The following SGK1 variants were observed in gnomAD, a reference collection of about 807,000 sequenced individuals.
SGK1 encodes the protein serum/glucocorticoid regulated kinase 1, also known as serine/threonine-protein kinase Sgk1.
Under a neutral mutation model 64.2 loss-of-function variants are expected in SGK1, and 26 were observed. That is an observed-to-expected ratio of 0.40 (90% CI 0.30 to 0.56). SGK1 has a LOEUF of 0.56. Among genes scored for constraint, SGK1 ranks in the 20% least tolerant of loss-of-function variants. The pLI is 0.38. For missense variants in SGK1, 519 were observed against 645.6 expected (o/e 0.80, Z 2.12); for synonymous variants, 265 against 239.7 (o/e 1.11, Z -0.98).
At chr6:134,268,586 A>G (rs1166007724) in intron 1 of SGK1, among the ~76,000 whole-genome samples, 4 of 145,064 alleles carry the variant, frequency 2.8e-5, no homozygotes, top group East Asian at 2.6e-4. Flanking sequence ...TGCCGGGCGT[A>G]GTGGAGGGTG....
intron 1 of SGK1, among the ~76,000 whole-genome samples, chr6:134,295,688 G>A (rs1348096354): frequency 1.3e-5 from 2 of 149,914 alleles, no homozygotes; most frequent in African/African-American, 2.5e-5. Flanking sequence ...AGACAACAGA[G>A]TGAGACTCCA....
chr6:134,190,568 G>A (rs556499110), intron 3 of SGK1, among the ~76,000 whole-genome samples: 1 of 152,206 alleles, frequency 6.6e-6, no homozygotes, highest in African/African-American at 2.4e-5. Context: ...TTATAGGCAT[G>A]AGCCACCACG....
At chr6:134,201,342 G>A (rs565891550) in intron 3 of SGK1, among the ~76,000 whole-genome samples, 5 of 151,120 alleles carry the variant, frequency 3.3e-5, no homozygotes, top group Non-Finnish European at 7.4e-5. Context: ...TTACAGGCGT[G>A]AGCCACCACA....
intron 1 of SGK1, among the ~76,000 whole-genome samples, chr6:134,300,537 CAAAAAAAAAA>C (rs112943044): frequency 1.2e-5 from 1 of 86,308 alleles, no homozygotes; most frequent in African/African-American, 4.6e-5. Flanking sequence ...GACTCTGTCT[CAAAAAAAAAA>C]AAAAAAAGAA....
chr6:134,184,240 T>C (rs1775385294), intron 3 of SGK1, among the ~76,000 whole-genome samples: 2 of 152,026 alleles, frequency 1.3e-5, no homozygotes, highest in Admixed American at 1.3e-4. Flanking sequence ...AGCTCACGCC[T>C]GTAATATCAG....
In SGK1 at chr6:134,247,756, A is replaced by C. The variant is rs553516609; in HGVS notation, c.285+14177T>G. ...GCCATGAAAATGGAAGCCAGAGCCAACTCTATGTCATACAATTTATGCCAT... is the reference window on the plus strand; with the variant it reads ...GCCATGAAAATGGAAGCCAGAGCCACCTCTATGTCATACAATTTATGCCAT... On this transcript the variant is annotated intron_variant, in intron 2 of 13. Coordinates refer to ENST00000367858, the MANE Select transcript of SGK1 (RefSeq NM_001143676.3). Among the ~76,000 whole-genome samples, 3 of 152,232 alleles carry C rather than the reference A, an allele frequency of 2.0e-5. No individual in the cohort carries two copies. The East Asian group carries it at 5.8e-4, about 29-fold the overall frequency.
chr6:134,309,645 C>T (rs9493897), intron 1 of SGK1, among the ~76,000 whole-genome samples: 18,704 of 152,130 alleles, frequency 0.12, 1,340 homozygotes, highest in East Asian at 0.27. Flanking sequence ...TAAAGCTCTT[C>T]GAAGACTCTT....
intron 1 of SGK1, among the ~76,000 whole-genome samples, chr6:134,282,663 A>G (rs1777112963): frequency 6.6e-6 from 1 of 151,538 alleles, no homozygotes; most frequent in Admixed American, 6.6e-5. Context: ...AAAAAAAAAA[A>G]TAAAATAAAA....
rs1777708250 is a variant in SGK1 at position 134,317,697 on chromosome 6, C to T, written c.-237G>A. 1.9e-6 allele frequency: 1 copy of T among 537,924 alleles called. No individual in the cohort carries two copies. Among genetic ancestry groups the T allele is most frequent in the Non-Finnish European group, 3.3e-6 (1 of 301,390 alleles). The allele number at this position is 537,924 out of a possible 1,614,324, so 33.3% of individuals were successfully genotyped here. A position where few individuals can be genotyped will look rare whatever the true frequency, so the allele number is the denominator to read the frequency against. The stretch of plus-strand genomic sequence containing the variant: ...TTCTCCTTCCATCATTGCTCCGAAA[C>T]ATATGCATCACCGCTGCAGGACCCT... On this transcript the variant is annotated 5_prime_UTR_variant, in exon 1 of 14. The change abolishes an upstream ATG in the 5' untranslated region. Coordinates refer to ENST00000367858, the MANE Select transcript of SGK1 (RefSeq NM_001143676.3).
intron 2 of SGK1, among the ~76,000 whole-genome samples, chr6:134,244,532 C>T (rs1208207171): frequency 1.3e-5 from 2 of 152,158 alleles, no homozygotes; most frequent in African/African-American, 4.8e-5. Flanking sequence ...TCCCTCACGG[C>T]ATAGTCCCTC....
intron 1 of SGK1, among the ~76,000 whole-genome samples, chr6:134,310,611 G>T (rs1030922851): frequency 6.6e-6 from 1 of 152,170 alleles, no homozygotes; most frequent in African/African-American, 2.4e-5. Flanking sequence ...TTTTTGAGAT[G>T]CTGTCTCACT....
chr6:134,213,043 C>T (rs1470939677), intron 2 of SGK1, among the ~76,000 whole-genome samples: 1 of 152,136 alleles, frequency 6.6e-6, no homozygotes, highest in African/African-American at 2.4e-5. Flanking sequence ...ACAAGTATCA[C>T]ACCATTCTTT....
intron 3 of SGK1, chr6:134,175,003 T>C (rs896481140): frequency 1.2e-5 from 14 of 1,135,692 alleles, no homozygotes; most frequent in African/African-American, 1.6e-5. Context: ...GCGGCTACGC[T>C]GCCTGCGGCG....
chr6:134,317,389 T>C lies in SGK1; in HGVS notation c.69+3A>G, dbSNP rs1251937549. On this transcript the variant is annotated splice_donor_region_variant and intron_variant, in intron 1 of 13. Transcript: ENST00000367858. ...AAAAGAAATAAGCAAAACCTGTCCTTACCCGCTTCTTAAAAAATTGGAAGG... is the reference window on the plus strand; with the variant it reads ...AAAAGAAATAAGCAAAACCTGTCCTCACCCGCTTCTTAAAAAATTGGAAGG... 2 of 1,577,882 alleles carry C rather than the reference T, an allele frequency of 1.3e-6. No individual in the cohort carries two copies. Among genetic ancestry groups the C allele is most frequent in the East Asian group, 2.2e-5 (1 of 44,716 alleles).
intron 3 of SGK1, among the ~76,000 whole-genome samples, chr6:134,191,926 C>T (rs1385316673): frequency 6.9e-6 from 1 of 145,332 alleles, no homozygotes; most frequent in African/African-American, 2.5e-5. Flanking sequence ...CCTCCACCTC[C>T]GGGTTTCAAG....
At chr6:134,225,370 A>G (rs1263429312) in intron 2 of SGK1, among the ~76,000 whole-genome samples, 2 of 149,856 alleles carry the variant, frequency 1.3e-5, no homozygotes, top group South Asian at 2.1e-4. Flanking sequence ...AAAAAAAAAG[A>G]AAAGAAATAT....
chr6:134,202,607 C>A (rs766314342), intron 3 of SGK1, among the ~76,000 whole-genome samples: 16 of 151,990 alleles, frequency 1.1e-4, no homozygotes, highest in Middle Eastern at 3.4e-3. Flanking sequence ...GAGGTCTCGC[C>A]ACTGCACTGC....
In SGK1 at chr6:134,169,927, T is replaced by G. The variant is rs536015632; in HGVS notation, c.*341A>C. ...TTCAGAAAAGGCACATTTCATAATA[T>G]TCGTCATCACAGCCCAGACAGATCT... On this transcript the variant is annotated 3_prime_UTR_variant, in exon 14 of 14. Coordinates refer to ENST00000367858, the MANE Select transcript of SGK1 (RefSeq NM_001143676.3). The G allele has an allele frequency of 5.9e-6, 1 of 168,068 alleles. No individual in the cohort carries two copies. The highest frequency in any genetic ancestry group is 1.9e-4 in the South Asian group (1 of 5,334). The allele number at this position is 168,068 out of a possible 1,614,324, so 10.4% of individuals were successfully genotyped here. A position where few individuals can be genotyped will look rare whatever the true frequency, so the allele number is the denominator to read the frequency against.
At chr6:134,222,587 C>T (rs1166497601) in intron 2 of SGK1, among the ~76,000 whole-genome samples, 1 of 152,110 alleles carries the variant, frequency 6.6e-6, no homozygotes, top group Non-Finnish European at 1.5e-5. Context: ...CCACCCACCT[C>T]ATCCTCGCAA....
Sources: allele counts gnomAD v4.1 joint callset (sites outside exome capture counted in the v4.1 genomes callset), GRCh38; gene constraint gnomAD v4.1.1; transcripts MANE v1.5; gene names NCBI Gene and HGNC (gene_info 2026-07-23, HGNC 2026-07-21).